The following RASGEF1B variants were observed in gnomAD, a reference collection of about 807,000 sequenced individuals.
RASGEF1B encodes RasGEF domain family member 1B.
RASGEF1B carries 30 observed loss-of-function variants against 65.7 expected under a neutral mutation model. The ratio of observed to expected loss-of-function variants is 0.46; its 90% CI spans 0.34 to 0.62. RASGEF1B has a LOEUF of 0.62. RASGEF1B is among the 20% of genes least tolerant of loss of function. The pLI is 0.01. For missense variants in RASGEF1B, 495 were observed against 580.1 expected (o/e 0.85, Z 1.51); for synonymous variants, 175 against 194.8 (o/e 0.90, Z 0.85).
chr4:81,436,057 C>T (rs981848863), intron 10 of RASGEF1B, among the ~76,000 whole-genome samples: 7 of 152,166 alleles, frequency 4.6e-5, no homozygotes, highest in Admixed American at 6.5e-5. Flanking sequence ...GCCCAGATTA[C>T]AGGCATGAGC....
At position 81,435,260 on chromosome 4, in the gene RASGEF1B, A is replaced by C. The variant is rs577698970; in HGVS notation, c.1105-526T>G. Among the ~76,000 whole-genome samples, 54 of 151,270 alleles carry C rather than the reference A, an allele frequency of 3.6e-4. 1 individual carries two copies. In the East Asian group the frequency reaches 0.01, roughly 28 times the overall value. On this transcript the variant is annotated intron_variant, in intron 10 of 13. Coordinates refer to ENST00000264400, the MANE Select transcript of RASGEF1B (RefSeq NM_152545.3). Reference sequence around the variant, plus strand: ...CCCCGTCTCTACTAAAAATACAAAAAATTAGCCAGGTGTGGTGGCGGGCGC... The same window carrying C: ...CCCCGTCTCTACTAAAAATACAAAACATTAGCCAGGTGTGGTGGCGGGCGC...
At chr4:81,443,757 A>G (rs1308047489) in intron 8 of RASGEF1B, among the ~76,000 whole-genome samples, 1 of 152,208 alleles carries the variant, frequency 6.6e-6, no homozygotes, top group Non-Finnish European at 1.5e-5. Context: ...TTCTGTGGAC[A>G]TGTGTTGGCA....
At chr4:81,430,225 C>T (rs989798950) in intron 13 of RASGEF1B, among the ~76,000 whole-genome samples, 4 of 152,118 alleles carry the variant, frequency 2.6e-5, no homozygotes, top group Admixed American at 6.5e-5. Context: ...GGCGTGAACC[C>T]GGGAGGCGGA....
chr4:81,445,701 A>G, intron 7 of RASGEF1B, 42 bp downstream of exon 7: 1 of 1,591,960 alleles, frequency 6.3e-7, no homozygotes, highest in Middle Eastern at 1.7e-4. Context: ...AGTATGAAAA[A>G]ATAATGTTGA....
At chr4:81,448,875 C>T (rs1173732215) in intron 4 of RASGEF1B, among the ~76,000 whole-genome samples, 1 of 152,056 alleles carries the variant, frequency 6.6e-6, no homozygotes, top group Non-Finnish European at 1.5e-5. Context: ...AGTGCAGTGA[C>T]GTGATCTTGT....
intron 13 of RASGEF1B, among the ~76,000 whole-genome samples, chr4:81,429,659 T>G (rs1721349927): frequency 1.3e-5 from 2 of 152,142 alleles, no homozygotes; most frequent in South Asian, 4.2e-4. Flanking sequence ...GGAACACATC[T>G]GCTGAAGAAG....
intron 4 of RASGEF1B, chr4:81,450,952 T>C (rs1008963261): frequency 6.6e-6 from 1 of 152,218 alleles, no homozygotes; most frequent in Non-Finnish European, 1.5e-5. Context: ...AATGACTACA[T>C]GAGAGTTAGA....
chr4:81,468,855 TA>T (rs1199874862), intron 1 of RASGEF1B, among the ~76,000 whole-genome samples: 2 of 152,160 alleles, frequency 1.3e-5, no homozygotes, highest in Non-Finnish European at 2.9e-5. Context: ...AAGAAACTCA[TA>T]AATCATTCTG....
chr4:81,453,443 A>G (rs1722336116), intron 4 of RASGEF1B: 1 of 152,254 alleles, frequency 6.6e-6, no homozygotes. Context: ...CGTAAATGCT[A>G]TGTAAATCAC....
chr4:81,468,833 AT>A (rs937453964), intron 1 of RASGEF1B, among the ~76,000 whole-genome samples: 16 of 152,226 alleles, frequency 1.1e-4, no homozygotes, highest in Admixed American at 3.3e-4. Context: ...TAAAGCAGTT[AT>A]GACAGACCTA....
At chr4:81,449,953 AGAT>A (rs1224177806) in intron 4 of RASGEF1B, among the ~76,000 whole-genome samples, 1 of 152,190 alleles carries the variant, frequency 6.6e-6, no homozygotes, top group Non-Finnish European at 1.5e-5. Flanking sequence ...CTGGTCCATT[AGAT>A]GACCCCTATT....
chr4:81,467,348 T>A (rs546535688), intron 1 of RASGEF1B, among the ~76,000 whole-genome samples: 15 of 152,312 alleles, frequency 9.8e-5, no homozygotes, highest in South Asian at 4.1e-4. Flanking sequence ...AAAACAAAGC[T>A]AAGATTTGTC....
chr4:81,434,816 C>T (rs950792008), intron 10 of RASGEF1B, 82 bp from the exon 11 acceptor site: 2 of 727,320 alleles, frequency 2.7e-6, no homozygotes, highest in Admixed American at 4.4e-5. Flanking sequence ...TAATGAACAA[C>T]ATTAACTTTT....
chr4:81,440,227 G>A (rs1223179222), intron 10 of RASGEF1B, among the ~76,000 whole-genome samples: 1 of 152,106 alleles, frequency 6.6e-6, no homozygotes, highest in East Asian at 1.9e-4. Context: ...ACACCAAAAT[G>A]TGCCAAGAAA....
intron 12 of RASGEF1B, among the ~76,000 whole-genome samples, chr4:81,433,052 GAA>G (rs766242934): frequency 3.9e-4 from 41 of 106,006 alleles, no homozygotes; most frequent in Non-Finnish European, 4.0e-4. Context: ...GTCTCTACAA[GAA>G]AAAAAAAAAA....
In RASGEF1B at chr4:81,469,458, C is replaced by T. The variant is rs151123742; in HGVS notation, c.-7+2312G>A. On this transcript the variant is annotated intron_variant, in intron 1 of 13. Transcript: ENST00000264400. ...ACTAGGGATCCCAGCTCCTCCCCTT[C>T]AATTTTCTTACCATGTCTTTTTCCT... 3.3e-3 allele frequency among the ~76,000 whole-genome samples: 502 copies of T among 152,244 alleles called. 15 individuals are homozygous for T. The highest frequency in any genetic ancestry group is 6.9e-4 in the Non-Finnish European group (47 of 68,038).
At chr4:81,454,374 G>A (rs1030074896) in intron 4 of RASGEF1B, 2 of 152,324 alleles carry the variant, frequency 1.3e-5, no homozygotes, top group Non-Finnish European at 2.9e-5. Context: ...AAAGGCAATA[G>A]AGGGAAGATA....
chr4:81,462,538 T>C (rs893263655), intron 1 of RASGEF1B, among the ~76,000 whole-genome samples: 2 of 152,214 alleles, frequency 1.3e-5, no homozygotes, highest in African/African-American at 2.4e-5. Flanking sequence ...GAAACCACCT[T>C]GATTGTTGAA....
intron 4 of RASGEF1B, chr4:81,454,082 C>T (rs746500332): frequency 6.6e-5 from 10 of 152,138 alleles, no homozygotes; most frequent in Admixed American, 3.9e-4. Flanking sequence ...ATCTGAACTT[C>T]GCAAGGTTTC....
Sources: gnomAD v4.1 joint callset for allele counts (sites outside exome capture counted in the v4.1 genomes callset) on GRCh38, gnomAD v4.1.1 for gene constraint, MANE v1.5 for transcripts, NCBI Gene and HGNC (gene_info 2026-07-23, HGNC 2026-07-21) for gene names.